The following NEK10 variants were observed in gnomAD, a reference collection of about 807,000 sequenced individuals.
NEK10 encodes serine/threonine-protein kinase Nek10.
NEK10 carries 122 observed loss-of-function variants against 159.8 expected under a neutral mutation model. The ratio of observed to expected loss-of-function variants is 0.76; its 90% CI spans 0.66 to 0.89. NEK10 has a LOEUF of 0.89. NEK10 is among the 40% of genes least tolerant of loss of function. NEK10 has a pLI of 0.00. For missense variants in NEK10, 1,342 were observed against 1,323.1 expected (o/e 1.01, Z -0.22); for synonymous variants, 466 against 457.1 (o/e 1.02, Z -0.25).
chr3:27,238,502 T>C (rs1009365304), intron 23 of NEK10, among the ~76,000 whole-genome samples: 1 of 152,168 alleles, frequency 6.6e-6, no homozygotes, highest in Non-Finnish European at 1.5e-5. Context: ...TTTTTCAGAT[T>C]TGAAGTTTTG....
chr3:27,250,009 A>C (rs1470381904), intron 23 of NEK10, among the ~76,000 whole-genome samples: 1 of 152,082 alleles, frequency 6.6e-6, no homozygotes, highest in Non-Finnish European at 1.5e-5. Context: ...AAAACTGTAT[A>C]CTTTAATTTT....
chr3:27,254,845 C>A (rs1022724267), intron 23 of NEK10, among the ~76,000 whole-genome samples: 1 of 151,730 alleles, frequency 6.6e-6, no homozygotes, highest in Non-Finnish European at 1.5e-5. Context: ...GCCGTGTTTG[C>A]GCTAATACGG....
chr3:27,259,106 T>C (rs2040164357), intron 22 of NEK10, among the ~76,000 whole-genome samples: 1 of 152,170 alleles, frequency 6.6e-6, no homozygotes, highest in African/African-American at 2.4e-5. Flanking sequence ...TCACTGTAGA[T>C]TCTGGATATT....
intron 5 of NEK10, among the ~76,000 whole-genome samples, chr3:27,324,772 A>G (rs1189513935): frequency 1.3e-5 from 2 of 152,122 alleles, no homozygotes; most frequent in Admixed American, 1.3e-4. Context: ...ATCCTCCAAC[A>G]GACCCCATCT....
At chr3:27,190,816 T>C (rs757220368) in intron 26 of NEK10, among the ~76,000 whole-genome samples, 5 of 152,206 alleles carry the variant, frequency 3.3e-5, no homozygotes, top group Non-Finnish European at 7.3e-5. Flanking sequence ...CATTGTTGCC[T>C]AGTTATTATG....
At chr3:27,178,715 G>A (rs950558924) in intron 26 of NEK10, among the ~76,000 whole-genome samples, 36 of 152,262 alleles carry the variant, frequency 2.4e-4, no homozygotes, top group African/African-American at 8.7e-4. Context: ...TTAAAAATCA[G>A]CCAGTGTGGT....
intron 23 of NEK10, among the ~76,000 whole-genome samples, chr3:27,254,567 G>C (rs193009732): frequency 1.6e-3 from 245 of 152,268 alleles, no homozygotes; most frequent in African/African-American, 5.5e-3. Context: ...TAGCAAGAAA[G>C]ACGGTTTGTG....
intron 26 of NEK10, among the ~76,000 whole-genome samples, chr3:27,177,595 T>C (rs533246694): frequency 6.6e-6 from 1 of 152,078 alleles, no homozygotes; most frequent in East Asian, 1.9e-4. Flanking sequence ...GCAGCAGTTT[T>C]TGCTTCAAAA....
chr3:27,119,956 T>C (rs1225826440), intron 32 of NEK10, 88 bp from the exon 33 acceptor site: 7 of 904,660 alleles, frequency 7.7e-6, no homozygotes, highest in Non-Finnish European at 1.3e-5. Context: ...CATTTCCCTA[T>C]GTCTCTGCAC....
chr3:27,340,266 C>T (rs940503726), intron 5 of NEK10, among the ~76,000 whole-genome samples: 2 of 152,118 alleles, frequency 1.3e-5, no homozygotes, highest in African/African-American at 4.8e-5. Context: ...AACAGAAAAC[C>T]AAACACCGCA....
intron 23 of NEK10, among the ~76,000 whole-genome samples, chr3:27,212,918 T>C (rs953251346): frequency 2.6e-5 from 4 of 152,220 alleles, no homozygotes; most frequent in African/African-American, 7.2e-5. Flanking sequence ...GGCCAATTCA[T>C]GCTGACTTCC....
At chr3:27,224,734 G>T (rs1575337571) in intron 23 of NEK10, among the ~76,000 whole-genome samples, 1 of 152,082 alleles carries the variant, frequency 6.6e-6, no homozygotes, top group Admixed American at 6.5e-5. Flanking sequence ...TCACATGTAA[G>T]CTCCGTTTTC....
chr3:27,295,515 G>A, intron 15 of NEK10, 98 bp downstream of exon 15: 1 of 1,447,132 alleles, frequency 6.9e-7, no homozygotes, highest in Non-Finnish European at 9.2e-7. Context: ...ACAGGGACCA[G>A]TACTAACCTA....
At chr3:27,285,662 T>A (rs962245210) in intron 20 of NEK10, among the ~76,000 whole-genome samples, 4 of 152,230 alleles carry the variant, frequency 2.6e-5, no homozygotes, top group African/African-American at 9.6e-5. Flanking sequence ...CAAATTCTAC[T>A]TCCTCCTCTA....
chr3:27,252,871 T>C (rs1275413639), intron 23 of NEK10: 2 of 512,012 alleles, frequency 3.9e-6, no homozygotes, highest in Non-Finnish European at 7.8e-6. Flanking sequence ...TGCAAGGTTG[T>C]CTGCTTGTGG....
rs1559606076 is a variant in NEK10, at chr3:27,204,298, GTTGT to G, written c.2091-1745_2091-1742del. 2.7e-3 allele frequency among the ~76,000 whole-genome samples: 176 copies of G among 65,508 alleles called. 1 individual carries two copies. The highest frequency in any genetic ancestry group is 1.0e-2 in the African/African-American group (145 of 14,564). The allele number at this position is 65,508 out of a possible 152,430, so 43.0% of individuals were successfully genotyped here. On this transcript the variant is annotated intron_variant, in intron 23 of 35. Transcript: ENST00000691995. ...TTCTTTTTTTTTTTTTTTTTTTGTT[GTTGT>G]TTTTTTTTTTTTTTTTTTTATTATA...
At chr3:27,186,467 A>G (rs908438656) in intron 26 of NEK10, among the ~76,000 whole-genome samples, 21 of 152,224 alleles carry the variant, frequency 1.4e-4, no homozygotes, top group African/African-American at 5.1e-4. Flanking sequence ...AAAATGAAAG[A>G]GCAAGTGCAA....
chr3:27,248,358 G>T (rs1955306498), intron 23 of NEK10, among the ~76,000 whole-genome samples: 2 of 151,598 alleles, frequency 1.3e-5, no homozygotes, highest in African/African-American at 4.8e-5. Context: ...CATTTCCATT[G>T]CTTTTATATC....
chr3:27,141,576 G>A lies in NEK10; in HGVS notation c.2876C>T (p.Ala959Val). 2 of 1,611,962 alleles carry A rather than the reference G, an allele frequency of 1.2e-6. No homozygotes were observed. The highest frequency in any genetic ancestry group is 1.7e-6 in the Non-Finnish European group (2 of 1,178,480). The change falls in exon 31 of 36, where the codon GCA becomes GTA. Residue 959 changes from alanine (A) to valine (V), a missense_variant. Coordinates refer to ENST00000691995, the MANE Select transcript of NEK10 (RefSeq NM_001394966.1). ...GTGSRPRPAS[A>V]GIAVSQRKVR... is the part of the protein sequence containing the mutation. Reference sequence around the variant, plus strand: ...TTTCCTCTGGGACACAGCAATTCCTGCTGATGCTGTGGGTGATAAATTTTG... The same window carrying A: ...TTTCCTCTGGGACACAGCAATTCCTACTGATGCTGTGGGTGATAAATTTTG...
Sources: gnomAD v4.1 joint callset for allele counts (sites outside exome capture counted in the v4.1 genomes callset) on GRCh38, gnomAD v4.1.1 for gene constraint, MANE v1.5 for transcripts, NCBI Gene and HGNC (gene_info 2026-07-23, HGNC 2026-07-21) for gene names.